The following PIR variants were observed in gnomAD, a reference collection of about 807,000 sequenced individuals.
PIR encodes the protein pirin.
A neutral mutation model predicts 24.2 loss-of-function variants in PIR; 22 were observed. That is an observed-to-expected ratio of 0.91 (90% CI 0.65 to 1.30). The LOEUF (loss-of-function observed/expected upper bound fraction) is 1.30. Among genes scored for constraint, PIR ranks in the 50% most tolerant of loss-of-function variants. The probability of loss-of-function intolerance (pLI) is 0.00; values close to 1 mark genes in which losing one functional copy is unlikely to be tolerated. For synonymous variants in PIR, 80 were observed against 79.6 expected, an observed-to-expected ratio of 1.00 and a Z score of -0.03; for missense variants, 220 against 220.3, an observed-to-expected ratio of 1.00 and a Z score of 0.01.
intron 3 of PIR, among the ~76,000 whole-genome samples, chrX:15,473,660 G>A (rs1162257055): frequency 8.1e-5 from 9 of 111,004 alleles, no homozygotes; most frequent in Non-Finnish European, 1.5e-4. Flanking sequence ...AGGTTCAAAC[G>A]ATTCTCCTGC....
rs183987311 is a variant in PIR at position 15,396,962 on chromosome X, G to A, written c.693+487C>T. On this transcript the variant is annotated intron_variant, in intron 8 of 9. Coordinates refer to ENST00000380420, the MANE Select transcript of PIR (RefSeq NM_001018109.3). Reference sequence around the variant, plus strand: ...TCACCGTGTTAGCCAGGATGGTCTCGATTTCCTGACATCGTGATCCGCCCG... The same window carrying A: ...TCACCGTGTTAGCCAGGATGGTCTCAATTTCCTGACATCGTGATCCGCCCG... Among the ~76,000 whole-genome samples the A allele has an allele frequency of 2.6e-3, 286 of 111,468 alleles. 3 individuals are homozygous for A. The highest frequency in any genetic ancestry group is 9.1e-3 in the African/African-American group (280 of 30,642).
intron 7 of PIR, 96 bp downstream of exon 7, chrX:15,407,410 A>G: frequency 1.6e-6 from 1 of 637,832 alleles, no homozygotes; most frequent in Non-Finnish European, 2.6e-6. Context: ...GTGGCATAGT[A>G]TTCAATTACA....
intron 5 of PIR, among the ~76,000 whole-genome samples, chrX:15,450,428 G>A (rs1310506897): frequency 9.1e-6 from 1 of 110,350 alleles, no homozygotes; most frequent in African/African-American, 3.3e-5. Flanking sequence ...ATATTTCAAA[G>A]GCAAAAAAAG....
chrX:15,473,962 G>A (rs981555522), intron 3 of PIR, among the ~76,000 whole-genome samples: 4 of 112,455 alleles, frequency 3.6e-5, no homozygotes, highest in Non-Finnish European at 7.5e-5. Context: ...TAGGGTTACT[G>A]GGTTAAAGGA....
intron 6 of PIR, among the ~76,000 whole-genome samples, chrX:15,411,683 G>A (rs1004054981): frequency 1.8e-5 from 2 of 110,088 alleles, no homozygotes; most frequent in Admixed American, 9.7e-5. Context: ...CCTCCCCCCC[G>A]CCACCGGAAG....
At chrX:15,420,949 A>C (rs1170994125) in intron 6 of PIR, among the ~76,000 whole-genome samples, 1 of 112,335 alleles carries the variant, frequency 8.9e-6, no homozygotes, top group African/African-American at 3.2e-5. Flanking sequence ...CCATTTTATT[A>C]AAATGACAAA....
Position 15,404,769 on chromosome X carries a change from T to A in PIR, c.610+2737A>T, listed in dbSNP as rs979562009. 4.5e-5 allele frequency among the ~76,000 whole-genome samples: 5 copies of A among 111,599 alleles called. No individual in the cohort carries two copies. The Admixed American group carries it at 4.8e-4, about 11-fold the overall frequency. ...GTTTTTCTCATTAACCGCCCCCCCA[T>A]TAGGGTGTTGGTAGGAGGAAGGGAA... On this transcript the variant is annotated intron_variant, in intron 7 of 9. Transcript: ENST00000380420.
At position 15,387,962 on chromosome X, in the gene PIR, T is replaced by C. The variant is rs149688932; in HGVS notation, c.760+2223A>G. Among the ~76,000 whole-genome samples, 641 of 111,534 alleles carry C rather than the reference T, an allele frequency of 5.7e-3. 7 individuals are homozygous for C. Among genetic ancestry groups the C allele is most frequent in the African/African-American group, 0.02 (614 of 30,684 alleles). ...TACTGCTGGTCCATGGACCACACTT[T>C]AGGAAACAAGTATAACCTCTGTTAT... On this transcript the variant is annotated intron_variant, in intron 9 of 9. Transcript: ENST00000380420.
At chrX:15,419,343 C>CTGTGTGTGTGTG (rs34664851) in intron 6 of PIR, among the ~76,000 whole-genome samples, 14 of 78,293 alleles carry the variant, frequency 1.8e-4, no homozygotes, top group East Asian at 4.3e-4. Context: ...ATGGATAAGT[C>CTGTGTGTGTGTG]TGTGTGTGTG....
At chrX:15,436,892 T>C (rs1316002301) in intron 5 of PIR, among the ~76,000 whole-genome samples, 2 of 112,167 alleles carry the variant, frequency 1.8e-5, no homozygotes, top group Admixed American at 1.9e-4. Flanking sequence ...TAGGGCTTCT[T>C]CTACGTGATC....
chrX:15,398,981 A>G (rs1251033584), intron 7 of PIR, among the ~76,000 whole-genome samples: 2 of 111,726 alleles, frequency 1.8e-5, no homozygotes, highest in African/African-American at 6.5e-5. Context: ...GAATGTAGTG[A>G]CTTGAAGATT....
intron 5 of PIR, among the ~76,000 whole-genome samples, chrX:15,434,898 A>C (rs1373006596): frequency 9.0e-6 from 1 of 111,717 alleles, no homozygotes; most frequent in Non-Finnish European, 1.9e-5. Context: ...TTTCTAGTTC[A>C]AAATGTTTAA....
chrX:15,398,669 G>GTGTGTGTGTGTGTGTGT lies in PIR; in HGVS notation c.611-1139_611-1138insACACACACACACACACA, dbSNP rs1555952785. Among the ~76,000 whole-genome samples, 115 of 76,107 alleles carry GTGTGTGTGTGTGTGTGT rather than the reference G, an allele frequency of 1.5e-3. 2 individuals are homozygous for GTGTGTGTGTGTGTGTGT. The highest frequency in any genetic ancestry group is 7.0e-3 in the Middle Eastern group (1 of 142). The allele number at this position is 76,107 out of a possible 115,157, so 66.1% of individuals were successfully genotyped here. On this transcript the variant is annotated intron_variant, in intron 7 of 9. Coordinates refer to ENST00000380420, the MANE Select transcript of PIR (RefSeq NM_001018109.3). Reference sequence around the variant, plus strand: ...AAATTGACAGCCCTTGAGGAGGGAGGGTGTGTGTGTGTGTGTGTGTGTGTG... The same window carrying GTGTGTGTGTGTGTGTGT: ...AAATTGACAGCCCTTGAGGAGGGAGGTGTGTGTGTGTGTGTGTGTGTGTGTGTGTGTGTGTGTGTGTG...
chrX:15,456,346 G>A (rs992751968), intron 4 of PIR, among the ~76,000 whole-genome samples: 1 of 111,997 alleles, frequency 8.9e-6, no homozygotes, highest in African/African-American at 3.3e-5. Flanking sequence ...TCTAAGATGG[G>A]GAGTTGCAGG....
At chrX:15,490,803 C>T (rs1923112882) in intron 2 of PIR, among the ~76,000 whole-genome samples, 1 of 111,727 alleles carries the variant, frequency 9.0e-6, no homozygotes, top group African/African-American at 3.3e-5. Context: ...AGAGTTACTC[C>T]CTGGTGCTTT....
chrX:15,478,014 T>TCC (rs34780784), intron 3 of PIR, among the ~76,000 whole-genome samples: 37 of 77,798 alleles, frequency 4.8e-4, no homozygotes, highest in African/African-American at 1.7e-3. Context: ...TATAAAGTAT[T>TCC]CCCCCCCCCC....
rs745674624 is a variant in PIR, at chrX:15,491,850, GT to G, written c.-52-542del. Among the ~76,000 whole-genome samples, 224 of 110,932 alleles carry G rather than the reference GT, an allele frequency of 2.0e-3. 1 individual carries two copies. The highest frequency in any genetic ancestry group is 4.7e-3 in the Middle Eastern group (1 of 214). ...TACACACCTAGGTTATACCAGCTAG[GT>G]TTGTCTAAGTGTACTCTAAGATGCT... On this transcript the variant is annotated intron_variant, in intron 1 of 9. Coordinates refer to ENST00000380420, the MANE Select transcript of PIR (RefSeq NM_001018109.3).
chrX:15,464,530 A>C, intron 3 of PIR: 3 of 436,982 alleles, frequency 6.9e-6, no homozygotes, highest in Non-Finnish European at 8.6e-6. Context: ...GAGAAACACT[A>C]AGAATCAGAA....
At chrX:15,404,479 G>T (rs752987463) in intron 7 of PIR, among the ~76,000 whole-genome samples, 1 of 111,773 alleles carries the variant, frequency 8.9e-6, no homozygotes, top group Non-Finnish European at 1.9e-5. Flanking sequence ...ATTCCAGCCC[G>T]ATACACCAAG....
Sources: allele counts gnomAD v4.1 joint callset (sites outside exome capture counted in the v4.1 genomes callset), GRCh38; gene constraint gnomAD v4.1.1; transcripts MANE v1.5; gene names NCBI Gene and HGNC (gene_info 2026-07-23, HGNC 2026-07-21).